ZFHX3: variants seen among roughly 807,000 people sequenced by gnomAD.
ZFHX3 encodes the protein zinc finger homeobox 3, also known as zinc finger homeobox protein 3.
In ZFHX3, 42 loss-of-function variants were observed where a neutral mutation model predicts 279.1. That is an observed-to-expected ratio of 0.15 (90% CI 0.12 to 0.19). The LOEUF (loss-of-function observed/expected upper bound fraction) is 0.19, where lower values mean the gene tolerates loss of function less well. Ranked by LOEUF, ZFHX3 falls within the 10% of genes least tolerant of loss-of-function variation. The pLI is 1.00. For missense variants in ZFHX3, 4,981 were observed against 4,754.0 expected (o/e 1.05, Z -1.40); for synonymous variants, 2,293 against 1,957.8 (o/e 1.17, Z -4.52).
intron 2 of ZFHX3, chr16:73,504,227 C>CT (rs2019285401): frequency 6.6e-6 from 1 of 152,064 alleles, no homozygotes; most frequent in African/African-American, 2.4e-5. Flanking sequence ...TTAATGTTTT[C>CT]TTTTTTTAAA....
intron 3 of ZFHX3, among the ~76,000 whole-genome samples, chr16:73,446,226 G>A (rs1409205534): frequency 6.6e-6 from 1 of 152,080 alleles, no homozygotes; most frequent in Non-Finnish European, 1.5e-5. Context: ...GGAGGCCATT[G>A]TATTAGTCCT....
At chr16:73,552,828 G>C (rs1229900954) in intron 2 of ZFHX3, among the ~76,000 whole-genome samples, 1 of 152,242 alleles carries the variant, frequency 6.6e-6, no homozygotes, top group African/African-American at 2.4e-5. Context: ...TGATACGTCT[G>C]CCTGTAAAAT....
At chr16:73,173,245 C>T (rs1967581730) in intron 5 of ZFHX3, among the ~76,000 whole-genome samples, 1 of 151,926 alleles carries the variant, frequency 6.6e-6, no homozygotes, top group Non-Finnish European at 1.5e-5. Flanking sequence ...TAATTAGATG[C>T]GCCTCATTAC....
intron 2 of ZFHX3, among the ~76,000 whole-genome samples, chr16:73,570,519 A>G (rs1322458606): frequency 6.6e-6 from 1 of 152,208 alleles, no homozygotes; most frequent in Non-Finnish European, 1.5e-5. Flanking sequence ...ATAAATCCTA[A>G]GCAGGCAGGT....
At chr16:73,019,869 A>C (rs913207884) in intron 1 of ZFHX3, among the ~76,000 whole-genome samples, 1 of 152,226 alleles carries the variant, frequency 6.6e-6, no homozygotes, top group African/African-American at 2.4e-5. Context: ...CTGGTAAGAA[A>C]AATGAGAGAG....
At chr16:73,034,179 T>TTTTCCA in intron 1 of ZFHX3, among the ~76,000 whole-genome samples, 1 of 151,468 alleles carries the variant, frequency 6.6e-6, no homozygotes, top group Middle Eastern at 3.4e-3. Context: ...TGTTTCTGAG[T>TTTTCCA]TTTCCATGTC....
chr16:73,249,525 C>T (rs2013415734), intron 5 of ZFHX3, among the ~76,000 whole-genome samples: 1 of 152,130 alleles, frequency 6.6e-6, no homozygotes, highest in Non-Finnish European at 1.5e-5. Flanking sequence ...TATCAGATCT[C>T]ATGACTACCA....
chr16:72,985,847 C>T (rs566660688), intron 1 of ZFHX3, among the ~76,000 whole-genome samples: 1 of 152,108 alleles, frequency 6.6e-6, no homozygotes, highest in Non-Finnish European at 1.5e-5. Context: ...GGAAGCTGAC[C>T]GCAGCACAGT....
At chr16:73,240,640 G>T (rs915193356) in intron 5 of ZFHX3, among the ~76,000 whole-genome samples, 4 of 152,138 alleles carry the variant, frequency 2.6e-5, no homozygotes, top group African/African-American at 9.7e-5. Flanking sequence ...ACCCTTATTT[G>T]ACCTCAGCTG....
rs1369184806 is a variant in ZFHX3, at chr16:73,772,514, G to A, written c.-1607-92274C>T. Among the ~76,000 whole-genome samples the A allele has an allele frequency of 3.3e-5, 5 of 152,194 alleles. No homozygotes were observed. The East Asian group carries it at 9.6e-4, about 29-fold the overall frequency. ...GAATTCAAGATGAGATTTAGGTGGG[G>A]ACACAGCCAAACCATATCACTGTGC... On this transcript the variant is annotated intron_variant, in intron 1 of 17. Transcript: ENST00000641206.
chr16:73,063,392 C>T (rs1236724243), upstream of ZFHX3, among the ~76,000 whole-genome samples: 1 of 152,030 alleles, frequency 6.6e-6, no homozygotes, highest in African/African-American at 2.4e-5. Flanking sequence ...ATCCGACACC[C>T]CCATCGCCCC....
intron 2 of ZFHX3, among the ~76,000 whole-genome samples, chr16:73,577,212 T>A (rs1055037074): frequency 6.6e-6 from 1 of 152,252 alleles, no homozygotes; most frequent in African/African-American, 2.4e-5. Flanking sequence ...AATAATACTT[T>A]ATATTTTTTC....
chr16:73,150,406 C>T (rs151139842), intron 5 of ZFHX3, among the ~76,000 whole-genome samples: 1 of 152,264 alleles, frequency 6.6e-6, no homozygotes, highest in East Asian at 1.9e-4. Context: ...AAGTTACTTC[C>T]CACTGTCAGC....
chr16:73,151,851 A>G (rs1966949794), intron 5 of ZFHX3, among the ~76,000 whole-genome samples: 1 of 150,664 alleles, frequency 6.6e-6, no homozygotes, highest in South Asian at 2.1e-4. Context: ...TTCCAGCATT[A>G]TATCAGTTAA....
In ZFHX3 at chr16:72,959,404, C is replaced by T. The variant is rs1961446285; in HGVS notation, c.742G>A (p.Asp248Asn). The T allele has an allele frequency of 6.8e-6, 11 of 1,614,098 alleles. No homozygotes were observed. The highest frequency in any genetic ancestry group is 8.5e-6 in the Non-Finnish European group (10 of 1,180,034). Residue 248 changes from aspartate (D) to asparagine (N), a missense_variant, in exon 2 of 10, where the codon GAC (aspartate) becomes AAC (asparagine). This residue lies in a region of ZFHX3 where 1,068 missense variants were observed against 935.2 expected (regional missense o/e 1.14). Coordinates refer to ENST00000268489, the MANE Select transcript of ZFHX3 (RefSeq NM_006885.4). The part of the protein sequence containing the change: ...HKSNKDYLNS[D>N]GSAKSSCVSK... ...ACGCAGGAGCTTTTGGCAGAACCGT[C>T]GCTGTTCAGGTAATCCTTGTTGCTT...
intron 3 of ZFHX3, among the ~76,000 whole-genome samples, chr16:73,439,932 A>C (rs1164597313): frequency 2.8e-3 from 298 of 107,838 alleles, no homozygotes; most frequent in African/African-American, 0.011. Context: ...AAAAAAAAAA[A>C]CACAAAAAAA....
chr16:73,075,447 T>C (rs1008525863), intron 8 of ZFHX3, among the ~76,000 whole-genome samples: 6 of 152,166 alleles, frequency 3.9e-5, no homozygotes, highest in African/African-American at 1.4e-4. Context: ...AAAAATATGA[T>C]TTAGTACCTA....
chr16:72,911,595 A>G (rs946597646), intron 3 of ZFHX3, among the ~76,000 whole-genome samples: 2 of 152,244 alleles, frequency 1.3e-5, no homozygotes, highest in African/African-American at 4.8e-5. Context: ...CCCAGGGCAG[A>G]TAAAAGATCA....
intron 1 of ZFHX3, among the ~76,000 whole-genome samples, chr16:73,865,039 G>C (rs1961976215): frequency 6.6e-6 from 1 of 152,214 alleles, no homozygotes; most frequent in African/African-American, 2.4e-5. Context: ...CTGACATCAT[G>C]TCAACAAGCC....
Sources: allele counts gnomAD v4.1 joint callset (sites outside exome capture counted in the v4.1 genomes callset), GRCh38; gene constraint gnomAD v4.1.1; regional missense constraint gnomAD v4.1.1; transcripts MANE v1.5; gene names NCBI Gene and HGNC (gene_info 2026-07-23, HGNC 2026-07-21).